Variants in EPAS1 observed in about 807,000 individuals in gnomAD.
EPAS1 encodes endothelial PAS domain-containing protein 1.
A neutral mutation model predicts 87.9 loss-of-function variants in EPAS1; 23 were observed. That is an observed-to-expected ratio of 0.26 (90% CI 0.19 to 0.37). The LOEUF (loss-of-function observed/expected upper bound fraction) is 0.37, where lower values mean the gene tolerates loss of function less well. Ranked by LOEUF, EPAS1 falls within the 10% of genes least tolerant of loss-of-function variation. The pLI is 1.00. For missense variants in EPAS1, 1,138 were observed against 1,120.7 expected, an observed-to-expected ratio of 1.02 and a Z score of -0.22; for synonymous variants, 508 against 444.3, an observed-to-expected ratio of 1.14 and a Z score of -1.80.
chr2:46,326,683 GA>G (rs1172370297), intron 1 of EPAS1, among the ~76,000 whole-genome samples: 2 of 152,224 alleles, frequency 1.3e-5, no homozygotes, highest in Admixed American at 1.3e-4. Flanking sequence ...GCACTGGGCT[GA>G]AGATCCCAGA....
At chr2:46,356,849 G>T in intron 4 of EPAS1, 41 bp downstream of exon 4, 1 of 1,431,778 alleles carries the variant, frequency 7.0e-7, no homozygotes, top group Non-Finnish European at 9.9e-7. Flanking sequence ...CCCCCACTGG[G>T]TGGGAATCTG....
At position 46,360,433 on chromosome 2, in the gene EPAS1, T is replaced by C. The variant is rs1684362596; in HGVS notation, c.455-205T>C. 6.6e-6 allele frequency among the ~76,000 whole-genome samples: 1 copy of C among 152,172 alleles called. No homozygotes were observed. The highest frequency in any genetic ancestry group is 6.5e-5 in the Admixed American group (1 of 15,282). Reference sequence around the variant, plus strand: ...TCCCTTGTGGGAGTTTATGCTCCAGTTGAGGAGATAAGCTTGAGAGTGGGA... The same window carrying C: ...TCCCTTGTGGGAGTTTATGCTCCAGCTGAGGAGATAAGCTTGAGAGTGGGA... On this transcript the variant is annotated intron_variant, in intron 4 of 15. Transcript: ENST00000263734. The surrounding 1 kb of genome is among the most constrained non-coding windows in gnomAD (Gnocchi z 4.5).
intron 11 of EPAS1, chr2:46,379,624 C>T: frequency 7.4e-6 from 1 of 134,794 alleles, no homozygotes; most frequent in Non-Finnish European, 1.8e-5. Flanking sequence ...TCCGCATCTG[C>T]TTGTATTCCC....
intron 6 of EPAS1, among the ~76,000 whole-genome samples, chr2:46,367,171 G>A (rs1201656536): frequency 6.6e-6 from 1 of 152,222 alleles, no homozygotes; most frequent in Non-Finnish European, 1.5e-5. Context: ...GCCTTTGAAT[G>A]GATGATACAT....
At chr2:46,369,138 A>G (rs1408652750) in intron 6 of EPAS1, among the ~76,000 whole-genome samples, 2 of 152,084 alleles carry the variant, frequency 1.3e-5, no homozygotes, top group South Asian at 2.1e-4. Context: ...ATGATTTAAT[A>G]TTTCTTCCTC....
At chr2:46,305,862 G>T (rs975117062) in intron 1 of EPAS1, among the ~76,000 whole-genome samples, 3 of 152,244 alleles carry the variant, frequency 2.0e-5, no homozygotes, top group African/African-American at 7.2e-5. Flanking sequence ...TTGTACTCAT[G>T]ATTGTGGTGC....
intron 6 of EPAS1, among the ~76,000 whole-genome samples, chr2:46,362,977 A>AGTGGTGGTG (rs75642579): frequency 2.5e-3 from 256 of 104,196 alleles, no homozygotes; most frequent in African/African-American, 3.5e-3. Flanking sequence ...TGGTGGTGGT[A>AGTGGTGGTG]GTGGTGGTGG....
intron 1 of EPAS1, among the ~76,000 whole-genome samples, chr2:46,315,719 C>T (rs1683299716): frequency 6.6e-6 from 1 of 152,226 alleles, no homozygotes. Flanking sequence ...GGACCGAGGG[C>T]AGGATGTAGA....
intron 1 of EPAS1, among the ~76,000 whole-genome samples, chr2:46,312,814 A>G (rs1683240846): frequency 6.6e-6 from 1 of 152,242 alleles, no homozygotes; most frequent in Non-Finnish European, 1.5e-5. Flanking sequence ...GATTCTAGAT[A>G]AAGGGTCTGA....
Position 46,347,231 on chromosome 2 carries a change from C to A in EPAS1, c.217+168C>A. 1.3e-6 allele frequency: 1 copy of A among 759,148 alleles called. No individual in the cohort carries two copies. The highest frequency in any genetic ancestry group is 1.6e-5 in the South Asian group (1 of 62,330). The allele number at this position is 759,148 out of a possible 1,614,324, so 47.0% of individuals were successfully genotyped here. On this transcript the variant is annotated intron_variant, in intron 2 of 15. Transcript: ENST00000263734. The surrounding 1 kb of genome is among the most constrained non-coding windows in gnomAD (Gnocchi z 4.2). ...TTATTCCTTCATGTTAAACATCTCTCTTCCAGCAGTGACCTTTACCGTGAA... is the reference window on the plus strand; with the variant it reads ...TTATTCCTTCATGTTAAACATCTCTATTCCAGCAGTGACCTTTACCGTGAA...
Position 46,377,937 on chromosome 2 carries a change from C to T in EPAS1, c.1293C>T (p.Ile431=). The part of the protein sequence containing the change: ...FEESSAYGKA[I]LPPSQPWATE... ...AGTCCTCAGCCTATGGCAAGGCCAT[C>T]CTGCCCCCGAGCCAGCCATGGGCCA... The change falls in exon 10 of 16, where the codon ATC becomes ATT. Residue 431 remains isoleucine (I), a synonymous_variant. Coordinates refer to ENST00000263734, the MANE Select transcript of EPAS1 (RefSeq NM_001430.5). The T allele has an allele frequency of 6.4e-7, 1 of 1,556,162 alleles. No homozygotes were observed. The highest frequency in any genetic ancestry group is 8.7e-7 in the Non-Finnish European group (1 of 1,149,476).
chr2:46,311,559 C>T (rs1297533470), intron 1 of EPAS1, among the ~76,000 whole-genome samples: 1 of 152,204 alleles, frequency 6.6e-6, no homozygotes, highest in African/African-American at 2.4e-5. Context: ...CTTCTCACAG[C>T]TCCAGGTGGA....
Position 46,380,610 on chromosome 2 carries a change from T to A in EPAS1, c.1938T>A (p.His646Gln). Residue 646 changes from histidine (H) to glutamine (Q), a missense_variant, in exon 12 of 16, where the codon CAT becomes CAA. Around this residue, in one of 4 missense-constraint regions of EPAS1, gnomAD observed 502 missense variants for 427.1 expected, o/e 1.18. Transcript: ENST00000263734. This position sits in a 1 kb window ranked among gnomAD's most constrained non-coding sequence, Gnocchi z 4.4. The stretch of plus-strand genomic sequence containing the variant: ...AGTGGCCCCCAGATCCACCATTACA[T>A]TTTGGGCCCACAAAGTGGGCCGTCG... ...NTQWPPDPPLHFGPTKWAVGD... is the reference protein window; with the variant it reads ...NTQWPPDPPLQFGPTKWAVGD... 6.2e-7 allele frequency: 1 copy of A among 1,613,870 alleles called. No individual in the cohort carries two copies. The highest frequency in any genetic ancestry group is 8.5e-7 in the Non-Finnish European group (1 of 1,179,922).
chr2:46,376,433 C>A, intron 8 of EPAS1, 106 bp from the exon 9 acceptor site: 1 of 1,085,202 alleles, frequency 9.2e-7, no homozygotes, highest in Non-Finnish European at 1.4e-6. Context: ...GGAGTCCTAC[C>A]CATTTTTTGT....
chr2:46,372,704 C>A (rs906475534), intron 7 of EPAS1, among the ~76,000 whole-genome samples: 4 of 152,196 alleles, frequency 2.6e-5, no homozygotes, highest in African/African-American at 9.7e-5. Context: ...GATTAGAAAG[C>A]TGGCGTTAAT....
chr2:46,360,750 C>T lies in EPAS1; in HGVS notation c.567C>T (p.Thr189=). The T allele has an allele frequency of 6.2e-7, 1 of 1,614,092 alleles. No individual in the cohort carries two copies. Among genetic ancestry groups the T allele is most frequent in the East Asian group, 2.2e-5 (1 of 44,880 alleles). The change falls in exon 5 of 16, where the codon ACC becomes ACT. Residue 189 remains threonine, a synonymous_variant. Transcript: ENST00000263734. This position sits in a 1 kb window ranked among gnomAD's most constrained non-coding sequence, Gnocchi z 4.5. ...RGRTVNLKSA[T]WKVLHCTGQV... is the part of the protein sequence containing the mutation. ...GTACTGTCAACCTCAAGTCAGCCACCTGGAAGGTAGGGCAACATCAGGCCT... is the reference window on the plus strand; with the variant it reads ...GTACTGTCAACCTCAAGTCAGCCACTTGGAAGGTAGGGCAACATCAGGCCT...
At position 46,384,628 on chromosome 2, in the gene EPAS1, G is replaced by T. The variant is rs1176986644; in HGVS notation, c.2581G>T (p.Asp861Tyr). Reference protein sequence around the residue: ...LGSSTLLQGGDLLRALDQAT With the variant: ...LGSSTLLQGGYLLRALDQAT ...AAGCTCCACGCTCCTGCAAGGAGGG[G>T]ACCTCCTCAGAGCCCTGGACCAGGC... The change falls in exon 16 of 16, where the codon GAC (aspartate) becomes TAC (tyrosine). Residue 861 changes from aspartate to tyrosine, a missense_variant. Physicochemically the swap from Asp to Tyr is radical, Grantham distance 160. Around this residue, in one of 4 missense-constraint regions of EPAS1, gnomAD observed 502 missense variants for 427.1 expected, o/e 1.18. Coordinates refer to ENST00000263734, the MANE Select transcript of EPAS1 (RefSeq NM_001430.5). The T allele has an allele frequency of 6.2e-7, 1 of 1,613,846 alleles. No individual in the cohort carries two copies. The highest frequency in any genetic ancestry group is 2.2e-5 in the East Asian group (1 of 44,890).
chr2:46,371,102 A>C lies in EPAS1; in HGVS notation c.886+1169A>C, dbSNP rs1684619402. ...AAAGAATGCTTCAAAACGAGTGCCC[A>C]CAGTGGTGCAGACAGTGGTGCTGAG... On this transcript the variant is annotated intron_variant, in intron 7 of 15. Transcript: ENST00000263734. This position sits in a 1 kb window ranked among gnomAD's most constrained non-coding sequence, Gnocchi z 4.3. Among the ~76,000 whole-genome samples, 1 of 152,336 alleles carries C rather than the reference A, an allele frequency of 6.6e-6. No homozygotes were observed. The highest frequency in any genetic ancestry group is 1.9e-4 in the East Asian group (1 of 5,188).
At chr2:46,332,024 C>T (rs951336309) in intron 1 of EPAS1, among the ~76,000 whole-genome samples, 1 of 152,218 alleles carries the variant, frequency 6.6e-6, no homozygotes, top group Admixed American at 6.5e-5. Context: ...CTGGACAGAA[C>T]TGAGTGTGCA....
Sources: allele counts gnomAD v4.1 joint callset (sites outside exome capture counted in the v4.1 genomes callset), GRCh38; gene constraint gnomAD v4.1.1; regional missense constraint gnomAD v4.1.1; non-coding constraint Gnocchi (gnomAD v3.1); transcripts MANE v1.5; gene names NCBI Gene and HGNC (gene_info 2026-07-23, HGNC 2026-07-21).